RP1: variants seen among roughly 807,000 people sequenced by gnomAD.
The protein encoded by RP1 is RP1 axonemal microtubule associated.
RP1 carries 16 observed loss-of-function variants against 14.8 expected under a neutral mutation model. The observed-to-expected ratio is 1.08, with a 90% confidence interval of 0.73 to 1.65. The LOEUF (loss-of-function observed/expected upper bound fraction) is 1.65, where lower values mean the gene tolerates loss of function less well. Ranked by LOEUF, RP1 falls within the 40% of genes most tolerant of loss-of-function variation. The probability of loss-of-function intolerance (pLI) is 0.00; values close to 1 mark genes in which losing one functional copy is unlikely to be tolerated. For missense variants in RP1, 2,631 were observed against 2,535.0 expected (o/e 1.04, Z -0.81); for synonymous variants, 876 against 883.6 (o/e 0.99, Z 0.15).
At chr8:54,859,004 G>C (rs1335574348) in intron 27 of RP1, among the ~76,000 whole-genome samples, 1 of 152,018 alleles carries the variant, frequency 6.6e-6, no homozygotes, top group African/African-American at 2.4e-5. Flanking sequence ...TGTCACTGTA[G>C]ACTGGTGTCA....
At chr8:54,817,495 G>C (rs1811161276) in intron 24 of RP1, among the ~76,000 whole-genome samples, 1 of 152,184 alleles carries the variant, frequency 6.6e-6, no homozygotes, top group Admixed American at 6.5e-5. Context: ...AAATGAGCCT[G>C]TCTAGAAGGC....
intron 5 of RP1, among the ~76,000 whole-genome samples, chr8:54,653,811 T>G (rs1235002032): frequency 2.0e-5 from 3 of 152,204 alleles, no homozygotes; most frequent in African/African-American, 7.2e-5. Flanking sequence ...AGTATGATAT[T>G]CAAATTGATT....
At chr8:54,562,351 A>G (rs904532993) in intron 1 of RP1, among the ~76,000 whole-genome samples, 2 of 152,236 alleles carry the variant, frequency 1.3e-5, no homozygotes, top group African/African-American at 4.8e-5. Context: ...AGGCTGTAAT[A>G]ACATTTGGTA....
At chr8:54,831,176 G>A (rs1811514978) in intron 24 of RP1, among the ~76,000 whole-genome samples, 1 of 152,094 alleles carries the variant, frequency 6.6e-6, no homozygotes, top group Non-Finnish European at 1.5e-5. Context: ...TTATGTACAA[G>A]TATTTGTCTG....
At chr8:54,683,480 G>T (rs1473444529) in intron 12 of RP1, among the ~76,000 whole-genome samples, 2 of 152,052 alleles carry the variant, frequency 1.3e-5, no homozygotes, top group African/African-American at 4.8e-5. Flanking sequence ...TGATTTCCTT[G>T]AGCAGCAGTT....
At chr8:54,848,456 G>T (rs1444305330) in intron 25 of RP1, among the ~76,000 whole-genome samples, 1 of 152,094 alleles carries the variant, frequency 6.6e-6, no homozygotes, top group Non-Finnish European at 1.5e-5. Flanking sequence ...TGTGGATTGG[G>T]CCCAATGATA....
At chr8:54,572,270 G>C (rs1429556631) in intron 1 of RP1, among the ~76,000 whole-genome samples, 1 of 152,224 alleles carries the variant, frequency 6.6e-6, no homozygotes, top group Non-Finnish European at 1.5e-5. Flanking sequence ...TCAGCTGACC[G>C]GCATCAGGCC....
At chr8:54,598,983 T>C (rs1467185366) in intron 1 of RP1, among the ~76,000 whole-genome samples, 1 of 152,190 alleles carries the variant, frequency 6.6e-6, no homozygotes, top group African/African-American at 2.4e-5. Flanking sequence ...TGGGGTTTGA[T>C]CAGTTTCTTA....
chr8:54,764,603 C>T (rs1194335974), intron 22 of RP1, among the ~76,000 whole-genome samples: 1 of 152,130 alleles, frequency 6.6e-6, no homozygotes, highest in Non-Finnish European at 1.5e-5. Context: ...CACTTTTCCC[C>T]AAGGTTGGGC....
chr8:54,705,779 A>T lies in RP1; in HGVS notation c.1999-664A>T, dbSNP rs549479923. 1.6e-3 allele frequency among the ~76,000 whole-genome samples: 234 copies of T among 150,726 alleles called. 1 individual carries two copies. Among genetic ancestry groups the T allele is most frequent in the African/African-American group, 5.5e-3 (225 of 41,036 alleles). On this transcript the variant is annotated intron_variant, in intron 14 of 22. Coordinates refer to the RP1 transcript ENST00000636932. ...TTGAGTATGGTCCTTAAGGAGAAGA[A>T]CTTTGACAATTTTCTAGAGGAACAG...
chr8:54,571,507 A>G (rs372493202), intron 1 of RP1, among the ~76,000 whole-genome samples: 22 of 152,144 alleles, frequency 1.4e-4, no homozygotes, highest in African/African-American at 4.3e-4. Flanking sequence ...CAGAGCCCCT[A>G]TGCACCCCAG....
intron 24 of RP1, among the ~76,000 whole-genome samples, chr8:54,815,540 A>T (rs1472461685): frequency 6.6e-6 from 1 of 152,228 alleles, no homozygotes; most frequent in African/African-American, 2.4e-5. Flanking sequence ...GAATATTAAG[A>T]TAGATTACAA....
upstream of RP1, among the ~76,000 whole-genome samples, chr8:54,611,887 C>CCCTTCCTTCCTTCCTTCCTT (rs370167305): frequency 9.8e-5 from 13 of 132,360 alleles, no homozygotes; most frequent in African/African-American, 2.8e-4. Context: ...CTCCCTCTCT[C>CCCTTCCTTCCTTCCTTCCTT]CCTTCCTTCC....
At chr8:54,678,652 AC>A (rs1807353673) in intron 9 of RP1, 1 of 716,756 alleles carries the variant, frequency 1.4e-6, no homozygotes, top group African/African-American at 1.8e-5. Context: ...TTGTTGGGTA[AC>A]TTTTGTGAAC....
chr8:54,815,233 A>C (rs1364008007), intron 24 of RP1, among the ~76,000 whole-genome samples: 2 of 152,214 alleles, frequency 1.3e-5, no homozygotes, highest in African/African-American at 4.8e-5. Flanking sequence ...TGTTACATGG[A>C]TTGTGGTTGT....
At chr8:54,720,433 T>C (rs1808507917) in intron 16 of RP1, 2 of 856,752 alleles carry the variant, frequency 2.3e-6, no homozygotes, top group Non-Finnish European at 3.4e-6. Context: ...TTGTTGTCAT[T>C]CCAGAAGCAA....
intron 19 of RP1, among the ~76,000 whole-genome samples, chr8:54,739,422 G>A (rs1047929743): frequency 2.0e-5 from 3 of 152,036 alleles, no homozygotes; most frequent in Admixed American, 6.6e-5. Flanking sequence ...AGGACCATCC[G>A]TATTGTAAAT....
intron 1 of RP1, among the ~76,000 whole-genome samples, chr8:54,583,697 A>G (rs934095954): frequency 5.3e-5 from 8 of 152,168 alleles, no homozygotes; most frequent in African/African-American, 1.4e-4. Flanking sequence ...TGGGCTATTC[A>G]GAGATTCAAC....
intron 25 of RP1, among the ~76,000 whole-genome samples, chr8:54,841,788 C>A (rs1457249225): frequency 5.9e-5 from 9 of 152,120 alleles, no homozygotes; most frequent in Admixed American, 3.3e-4. Flanking sequence ...TGACTCAGCT[C>A]GAGGCGGCCT....
Sources: gnomAD v4.1 joint callset for allele counts (sites outside exome capture counted in the v4.1 genomes callset) on GRCh38, gnomAD v4.1.1 for gene constraint, MANE v1.5 for transcripts, NCBI Gene and HGNC (gene_info 2026-07-23, HGNC 2026-07-21) for gene names.